Variants in POLN observed in about 807,000 individuals in gnomAD.
POLN encodes the protein DNA polymerase N.
A neutral mutation model predicts 113.5 loss-of-function variants in POLN; 108 were observed. That is an observed-to-expected ratio of 0.95 (90% CI 0.81 to 1.12). The LOEUF is 1.12. Among genes scored for constraint, POLN ranks in the 50% most tolerant of loss-of-function variants. The pLI is 0.00. For missense variants in POLN, 1,097 were observed against 1,077.1 expected (o/e 1.02, Z -0.26); for synonymous variants, 386 against 391.5 (o/e 0.99, Z 0.17).
chr4:2,170,969 G>T, intron 12 of POLN, 129 bp downstream of exon 12: 1 of 925,878 alleles, frequency 1.1e-6, no homozygotes, highest in Non-Finnish European at 1.6e-6. Flanking sequence ...TTCATTACTT[G>T]TGAGAGAACA....
intron 19 of POLN, among the ~76,000 whole-genome samples, chr4:2,100,882 C>A (rs1730905553): frequency 6.6e-6 from 1 of 152,192 alleles, no homozygotes; most frequent in African/African-American, 2.4e-5. Context: ...TACTTCCTAT[C>A]ATACACAAAA....
rs76606563 is a variant in POLN, at chr4:2,098,411, C to G, written c.1983-2478G>C. Among the ~76,000 whole-genome samples, 519 of 152,106 alleles carry G rather than the reference C, an allele frequency of 3.4e-3. 1 individual carries two copies. Among genetic ancestry groups the G allele is most frequent in the African/African-American group, 0.012 (499 of 41,478 alleles). On this transcript the variant is annotated intron_variant, in intron 19 of 25. Transcript: ENST00000511885. ...TCCAGCCTGGGCGACAGAGTAAGAC[C>G]CTGTCTAAGTGAATAAACAACTACA...
intron 16 of POLN, among the ~76,000 whole-genome samples, chr4:2,142,441 C>G (rs1732026010): frequency 6.6e-6 from 1 of 152,238 alleles, no homozygotes; most frequent in Admixed American, 6.5e-5. Context: ...AAGGAGACTT[C>G]TGCTTCCAGG....
At chr4:2,136,850 A>G (rs1284289831) in intron 16 of POLN, among the ~76,000 whole-genome samples, 2 of 152,236 alleles carry the variant, frequency 1.3e-5, no homozygotes, top group Non-Finnish European at 2.9e-5. Context: ...TAATGTGTTG[A>G]CTATGTCCTT....
intron 20 of POLN, chr4:2,090,283 C>A: frequency 1.2e-6 from 1 of 808,112 alleles, no homozygotes; most frequent in Non-Finnish European, 2.1e-6. Flanking sequence ...GGCTTCTGCA[C>A]ATCAAACTTG....
intron 20 of POLN, among the ~76,000 whole-genome samples, chr4:2,091,649 G>A (rs1730664713): frequency 1.3e-5 from 2 of 152,156 alleles, no homozygotes; most frequent in Admixed American, 6.5e-5. Flanking sequence ...CAGGCCCTGA[G>A]AGATCTGCAT....
intron 19 of POLN, among the ~76,000 whole-genome samples, chr4:2,108,343 C>T (rs1215551912): frequency 6.6e-6 from 1 of 152,144 alleles, no homozygotes; most frequent in Admixed American, 6.5e-5. Context: ...GTTTCCTAAT[C>T]CATAAGATAG....
intron 16 of POLN, among the ~76,000 whole-genome samples, chr4:2,153,450 G>T (rs1352446942): frequency 6.6e-6 from 1 of 152,174 alleles, no homozygotes; most frequent in East Asian, 1.9e-4. Flanking sequence ...TGTGCATAAA[G>T]AAGTAAATTA....
chr4:2,110,607 A>C (rs1189742721), intron 19 of POLN, among the ~76,000 whole-genome samples: 1 of 152,224 alleles, frequency 6.6e-6, no homozygotes, highest in Non-Finnish European at 1.5e-5. Context: ...GAATACTATA[A>C]ACACCTCTAC....
At position 2,213,015 on chromosome 4, in the gene POLN, A is replaced by G. The variant is rs112197455; in HGVS notation, c.213+32T>C. On this transcript the variant is annotated intron_variant, in intron 4 of 25. Coordinates refer to ENST00000511885, the MANE Select transcript of POLN (RefSeq NM_181808.4). ...CATCTATTGAACAAATAAGTTATCTATTTAAAATTACTCATATGTGCAATG... is the reference window on the plus strand; with the variant it reads ...CATCTATTGAACAAATAAGTTATCTGTTTAAAATTACTCATATGTGCAATG... The G allele has an allele frequency of 7.2e-5, 107 of 1,479,120 alleles. No individual in the cohort carries two copies. In the African/African-American group the frequency reaches 1.2e-3, roughly 16 times the overall value. 91.6% of individuals were successfully genotyped at this position (1,479,120 alleles called of 1,614,324 possible).
intron 16 of POLN, among the ~76,000 whole-genome samples, chr4:2,147,943 C>T (rs929048498): frequency 3.5e-4 from 53 of 151,856 alleles, no homozygotes; most frequent in African/African-American, 1.0e-3. Context: ...GTGCCCAGCC[C>T]GGTTTTTCAT....
intron 19 of POLN, among the ~76,000 whole-genome samples, chr4:2,102,713 G>C (rs556481369): frequency 1.3e-5 from 2 of 152,294 alleles, no homozygotes; most frequent in South Asian, 4.1e-4. Context: ...AACCTGAAGA[G>C]AGGCCCATCT....
chr4:2,072,266 A>T lies in POLN; in HGVS notation c.2551T>A (p.Ser851Thr), dbSNP rs1368687143. ...PLKVSLSAGR[S>T]WGHLVPLQEA... ...TGCAGTGGCACCAGGTGTCCCCATGAGCGGCCGGCACTCAGGCTCACCTTG... is the reference window on the plus strand; with the variant it reads ...TGCAGTGGCACCAGGTGTCCCCATGTGCGGCCGGCACTCAGGCTCACCTTG... Residue 851 changes from serine (S) to threonine (T), a missense_variant, in exon 26 of 26, where the codon TCA (serine) becomes ACA (threonine). Transcript: ENST00000511885. 1 of 1,593,104 alleles carries T rather than the reference A, an allele frequency of 6.3e-7. No homozygotes were observed. Among genetic ancestry groups the T allele is most frequent in the East Asian group, 2.2e-5 (1 of 44,496 alleles).
chr4:2,154,199 A>C (rs1272909807), intron 16 of POLN, among the ~76,000 whole-genome samples: 3 of 19,456 alleles, frequency 1.5e-4, no homozygotes, highest in Non-Finnish European at 5.6e-4. Flanking sequence ...CCATCTCAAC[A>C]AAAAAAAAAA....
intron 20 of POLN, chr4:2,088,805 C>G: frequency 1.4e-6 from 2 of 1,396,368 alleles, no homozygotes; most frequent in Non-Finnish European, 2.0e-6. Context: ...TACAAGAGGA[C>G]TTATTTCTTT....
rs528108224 is a variant in POLN at position 2,169,482 on chromosome 4, A to C, written c.1554+1197T>G. ...AGGAAAGTCAAGGACGACTCACAGG[A>C]CTTTTCTCAGAATGGCCGATGCTTA... On this transcript the variant is annotated intron_variant, in intron 13 of 25. Coordinates refer to ENST00000511885, the MANE Select transcript of POLN (RefSeq NM_181808.4). Among the ~76,000 whole-genome samples, 4 of 152,262 alleles carry C rather than the reference A, an allele frequency of 2.6e-5. No homozygotes were observed. In the East Asian group the frequency reaches 5.8e-4, roughly 22 times the overall value.
In POLN at chr4:2,241,525, C is replaced by T. The variant is rs368768851; in HGVS notation, c.-18G>A. On this transcript the variant is annotated 5_prime_UTR_variant, in exon 2 of 26. Transcript: ENST00000511885. ...AAGATCAACTAAATATTTACCTCAA[C>T]GTCTCGCCGGGCAAGGCTCCACCTC... is the stretch of plus-strand genomic sequence containing the variant. 266 of 985,882 alleles carry T rather than the reference C, an allele frequency of 2.7e-4. No homozygotes were observed. The South Asian group carries it at 0.012, about 43-fold the overall frequency. 61.1% of individuals were successfully genotyped at this position (985,882 alleles called of 1,614,324 possible).
intron 21 of POLN, among the ~76,000 whole-genome samples, chr4:2,082,451 T>C (rs1369078373): frequency 6.6e-6 from 1 of 152,228 alleles, no homozygotes; most frequent in African/African-American, 2.4e-5. Flanking sequence ...GTCCAGACCC[T>C]GGACTGGGCA....
chr4:2,096,384 G>C (rs182983247), intron 19 of POLN, among the ~76,000 whole-genome samples: 16 of 152,218 alleles, frequency 1.1e-4, no homozygotes, highest in Admixed American at 3.3e-4. Flanking sequence ...GAGGCCATGG[G>C]GGTGAGCCCC....
Sources: allele counts gnomAD v4.1 joint callset (sites outside exome capture counted in the v4.1 genomes callset), GRCh38; gene constraint gnomAD v4.1.1; transcripts MANE v1.5; gene names NCBI Gene and HGNC (gene_info 2026-07-23, HGNC 2026-07-21).